Variants in CNTNAP4 observed in about 807,000 individuals in gnomAD.
The protein encoded by CNTNAP4 is contactin associated protein family member 4.
In CNTNAP4, 98 loss-of-function variants were observed where a neutral mutation model predicts 148.4. That is an observed-to-expected ratio of 0.66 (90% confidence interval 0.56 to 0.78). The LOEUF (loss-of-function observed/expected upper bound fraction) is 0.78, where lower values mean the gene tolerates loss of function less well. Among genes scored for constraint, CNTNAP4 ranks in the 30% least tolerant of loss-of-function variants. The probability of loss-of-function intolerance (pLI) is 0.00; values close to 1 mark genes in which losing one functional copy is unlikely to be tolerated. For synonymous variants in CNTNAP4, 730 were observed against 565.1 expected (o/e 1.29, Z -4.14); for missense variants, 1,935 against 1,565.6 (o/e 1.24, Z -3.98).
intron 3 of CNTNAP4, among the ~76,000 whole-genome samples, chr16:76,374,247 G>C (rs1024449113): frequency 6.6e-6 from 1 of 152,110 alleles, no homozygotes; most frequent in Non-Finnish European, 1.5e-5. Context: ...ATTATGTTCA[G>C]AATAATCATG....
intron 2 of CNTNAP4, among the ~76,000 whole-genome samples, chr16:76,325,764 A>G (rs532513617): frequency 1.3e-5 from 2 of 152,262 alleles, no homozygotes; most frequent in South Asian, 2.1e-4. Context: ...AAAAGGAAGG[A>G]AAAAACCCAA....
At chr16:76,431,798 T>C (rs1217296368) in intron 4 of CNTNAP4, among the ~76,000 whole-genome samples, 1 of 130,798 alleles carries the variant, frequency 7.6e-6, no homozygotes, top group Non-Finnish European at 1.8e-5. Flanking sequence ...CTTTCCTCCG[T>C]TGATCCTTTT....
intron 8 of CNTNAP4, among the ~76,000 whole-genome samples, chr16:76,456,651 G>C (rs2080741815): frequency 6.6e-6 from 1 of 152,156 alleles, no homozygotes; most frequent in Admixed American, 6.5e-5. Context: ...AGCCCTCAGT[G>C]CCAGCCAGAT....
intron 2 of CNTNAP4, among the ~76,000 whole-genome samples, chr16:76,353,103 T>C (rs531197679): frequency 6.6e-6 from 1 of 151,048 alleles, no homozygotes; most frequent in Admixed American, 6.6e-5. Flanking sequence ...AAATTAAAAG[T>C]CAAAACGCAT....
chr16:76,331,547 T>A (rs1443388349), intron 2 of CNTNAP4, among the ~76,000 whole-genome samples: 1 of 151,794 alleles, frequency 6.6e-6, no homozygotes, highest in Non-Finnish European at 1.5e-5. Context: ...TTAGAAATAA[T>A]CTCTCAAATT....
chr16:76,317,977 C>A (rs946583669), intron 2 of CNTNAP4, among the ~76,000 whole-genome samples: 2 of 151,862 alleles, frequency 1.3e-5, no homozygotes, highest in Non-Finnish European at 2.9e-5. Context: ...ATAATGCTAG[C>A]GTTTTCTTTT....
At chr16:76,407,914 T>A (rs2144891122) in intron 3 of CNTNAP4, among the ~76,000 whole-genome samples, 1 of 151,948 alleles carries the variant, frequency 6.6e-6, no homozygotes, top group East Asian at 1.9e-4. Flanking sequence ...GTGGCAAACT[T>A]CATTGTTTTT....
chr16:76,363,915 G>T (rs908556466), intron 3 of CNTNAP4, among the ~76,000 whole-genome samples: 2 of 151,916 alleles, frequency 1.3e-5, no homozygotes, highest in Non-Finnish European at 2.9e-5. Context: ...ATAAACTTCT[G>T]TGAGGTGCAT....
chr16:76,307,499 AATGCATATATATATATATATATAT>A (rs1264604562), intron 1 of CNTNAP4, among the ~76,000 whole-genome samples: 1 of 71,758 alleles, frequency 1.4e-5, no homozygotes, highest in Non-Finnish European at 2.6e-5. Context: ...ATCTATTTTA[AATGCATATATATATATATATATAT>A]ATATATATAT....
chr16:76,464,037 C>A (rs1363380603), intron 9 of CNTNAP4, among the ~76,000 whole-genome samples: 1 of 152,144 alleles, frequency 6.6e-6, no homozygotes, highest in Non-Finnish European at 1.5e-5. Context: ...AATACAAGCC[C>A]TGCAAAATCC....
At chr16:76,417,672 C>G (rs8048050) in intron 3 of CNTNAP4, among the ~76,000 whole-genome samples, 57,805 of 151,338 alleles carry the variant, frequency 0.38, 11,239 homozygotes, top group Middle Eastern at 0.48. Context: ...GATCTTACTT[C>G]TTTTATTTCT....
rs911024284 is a variant in CNTNAP4, at chr16:76,540,620, T to C, written c.3355-83T>C. On this transcript the variant is annotated intron_variant, in intron 20 of 23. Coordinates refer to ENST00000611870, the MANE Select transcript of CNTNAP4 (RefSeq NM_033401.5). The stretch of plus-strand genomic sequence containing the variant: ...GCTAACAACTGCTTAATGTATCTTT[T>C]TCTCTTGTCCTCTGTTGCTTCCTGT... 9 of 1,002,502 alleles carry C rather than the reference T, an allele frequency of 9.0e-6. No individual in the cohort carries two copies. In the East Asian group the frequency reaches 2.6e-4, roughly 29 times the overall value. 62.1% of individuals were successfully genotyped at this position (1,002,502 alleles called of 1,614,324 possible). A position where few individuals can be genotyped will look rare whatever the true frequency, so the allele number is the denominator to read the frequency against.
intron 3 of CNTNAP4, among the ~76,000 whole-genome samples, chr16:76,358,139 G>A (rs1371029275): frequency 1.3e-5 from 2 of 152,154 alleles, no homozygotes; most frequent in East Asian, 3.9e-4. Context: ...TTCGAGACCA[G>A]CCTGGCCAAC....
In CNTNAP4 at chr16:76,539,765, T is replaced by C. The variant is rs2084369419; in HGVS notation, c.3267T>C (p.Asp1089=). 1.2e-6 allele frequency: 2 copies of C among 1,602,642 alleles called. No individual in the cohort carries two copies. The highest frequency in any genetic ancestry group is 2.7e-5 in the African/African-American group (2 of 74,384). Residue 1089 remains aspartate (D), a synonymous_variant, in exon 20 of 24, where the codon GAT becomes GAC. Coordinates refer to ENST00000611870, the MANE Select transcript of CNTNAP4 (RefSeq NM_033401.5). ...AGTTAAATAAATATCAAGAGCCTGA[T>C]GTTGTTAACTTTGATTTTAAAAACA... ...RYKLNKYQEP[D]VVNFDFKNMA...
intron 3 of CNTNAP4, among the ~76,000 whole-genome samples, chr16:76,381,183 A>G (rs1038417714): frequency 2.0e-5 from 3 of 152,184 alleles, no homozygotes; most frequent in Non-Finnish European, 2.9e-5. Context: ...AGTAACTTTA[A>G]AGATGAGAAT....
chr16:76,556,133 A>T (rs1452740457), intron 23 of CNTNAP4, among the ~76,000 whole-genome samples: 2 of 151,928 alleles, frequency 1.3e-5, no homozygotes, highest in African/African-American at 4.8e-5. Context: ...ATTTTTTTTT[A>T]CTTGCAAAAT....
At chr16:76,337,791 G>A (rs1964144126) in intron 2 of CNTNAP4, among the ~76,000 whole-genome samples, 3 of 152,108 alleles carry the variant, frequency 2.0e-5, no homozygotes, top group Admixed American at 2.0e-4. Context: ...CCCTGGGAAT[G>A]CATTCCTTCC....
At position 76,539,760 on chromosome 16, in the gene CNTNAP4, C is replaced by T; in HGVS notation, c.3262C>T (p.Pro1088Ser). 1 of 1,601,614 alleles carries T rather than the reference C, an allele frequency of 6.2e-7. No individual in the cohort carries two copies. Among genetic ancestry groups the T allele is most frequent in the Non-Finnish European group, 8.5e-7 (1 of 1,173,804 alleles). Residue 1088 changes from proline to serine, a missense_variant, in exon 20 of 24, where the codon CCT becomes TCT. Physicochemically the swap from Pro to Ser is moderately conservative, Grantham distance 74. Coordinates refer to ENST00000611870, the MANE Select transcript of CNTNAP4 (RefSeq NM_033401.5). ...GTACAAGTTAAATAAATATCAAGAG[C>T]CTGATGTTGTTAACTTTGATTTTAA... ...IRYKLNKYQE[P>S]DVVNFDFKNM...
chr16:76,450,669 C>T (rs1336291921), intron 7 of CNTNAP4, among the ~76,000 whole-genome samples: 5 of 152,206 alleles, frequency 3.3e-5, no homozygotes, highest in Admixed American at 2.0e-4. Flanking sequence ...CTACCGCAAG[C>T]AAATACAGGT....
Sources: gnomAD v4.1 joint callset for allele counts (sites outside exome capture counted in the v4.1 genomes callset) on GRCh38, gnomAD v4.1.1 for gene constraint, MANE v1.5 for transcripts, NCBI Gene and HGNC (gene_info 2026-07-23, HGNC 2026-07-21) for gene names.